Variants in PRKG1 observed in about 807,000 individuals in gnomAD.
The protein encoded by PRKG1 is protein kinase cGMP-dependent 1, also known as cGMP-dependent protein kinase 1.
PRKG1 carries 35 observed loss-of-function variants against 88.1 expected under a neutral mutation model. That is an observed-to-expected ratio of 0.40 (90% CI 0.30 to 0.53). PRKG1 has a LOEUF of 0.53. Ranked by LOEUF, PRKG1 falls within the 20% of genes least tolerant of loss-of-function variation. The pLI, the probability that PRKG1 is intolerant of heterozygous loss-of-function variation, is 0.59. For synonymous variants in PRKG1, 303 were observed against 292.5 expected (o/e 1.04, Z -0.37); for missense variants, 540 against 839.8 (o/e 0.64, Z 4.41).
chr10:51,419,121 T>G (rs968802218), intron 2 of PRKG1, among the ~76,000 whole-genome samples: 4 of 152,206 alleles, frequency 2.6e-5, no homozygotes, highest in African/African-American at 9.6e-5. Flanking sequence ...GAAAAAGTCA[T>G]GTATTGTGAT....
chr10:51,672,966 A>G (rs1468415387), intron 3 of PRKG1, among the ~76,000 whole-genome samples: 1 of 152,196 alleles, frequency 6.6e-6, no homozygotes, highest in South Asian at 2.1e-4. Flanking sequence ...TCTCAGTTGT[A>G]TCTTCTAGCT....
intron 3 of PRKG1, among the ~76,000 whole-genome samples, chr10:51,505,961 CT>C (rs1330213972): frequency 6.6e-6 from 1 of 151,672 alleles, no homozygotes; most frequent in African/African-American, 2.4e-5. Flanking sequence ...TTTTTTGTGT[CT>C]CTATTTCCTT....
intron 2 of PRKG1, among the ~76,000 whole-genome samples, chr10:51,296,520 G>A (rs1010552861): frequency 6.6e-6 from 1 of 151,992 alleles, no homozygotes; most frequent in South Asian, 2.1e-4. Context: ...GGCATCCATT[G>A]TAATATCTTC....
chr10:51,024,782 C>A (rs1457991378), intron 1 of PRKG1, among the ~76,000 whole-genome samples: 1 of 152,072 alleles, frequency 6.6e-6, no homozygotes, highest in Non-Finnish European at 1.5e-5. Context: ...GTAGGTACGA[C>A]ACACTTTTAA....
intron 2 of PRKG1, among the ~76,000 whole-genome samples, chr10:51,175,909 A>T (rs576590272): frequency 6.6e-6 from 1 of 152,252 alleles, no homozygotes; most frequent in East Asian, 1.9e-4. Context: ...CTCTATGAGG[A>T]CAGGATTTAT....
chr10:52,105,475 G>C (rs1311424210), intron 7 of PRKG1, among the ~76,000 whole-genome samples: 1 of 152,150 alleles, frequency 6.6e-6, no homozygotes, highest in African/African-American at 2.4e-5. Flanking sequence ...AATTATCCTT[G>C]GCTTTGCAGA....
At chr10:51,995,051 A>G (rs955524810) in intron 5 of PRKG1, among the ~76,000 whole-genome samples, 23 of 150,556 alleles carry the variant, frequency 1.5e-4, no homozygotes, top group African/African-American at 4.8e-4. Context: ...TAATATTCAT[A>G]CAAACTAGAT....
intron 4 of PRKG1, among the ~76,000 whole-genome samples, chr10:51,824,895 AG>A (rs1281065643): frequency 6.6e-6 from 1 of 152,172 alleles, no homozygotes; most frequent in Non-Finnish European, 1.5e-5. Flanking sequence ...TCCACTAATG[AG>A]GATCACATTT....
At chr10:51,666,706 A>G (rs1045183006) in intron 3 of PRKG1, among the ~76,000 whole-genome samples, 1 of 152,228 alleles carries the variant, frequency 6.6e-6, no homozygotes, top group African/African-American at 2.4e-5. Flanking sequence ...ATCAGGCACA[A>G]GGTTCATGGT....
intron 3 of PRKG1, among the ~76,000 whole-genome samples, chr10:51,592,601 A>T (rs1838339807): frequency 6.6e-6 from 1 of 152,172 alleles, no homozygotes; most frequent in Admixed American, 6.5e-5. Context: ...AGGACTAGCC[A>T]AGAACAGCAG....
chr10:51,415,947 ATGTG>A (rs1388923396), intron 2 of PRKG1, among the ~76,000 whole-genome samples: 1 of 141,586 alleles, frequency 7.1e-6, no homozygotes, highest in African/African-American at 2.6e-5. Context: ...GTGTGTGTCT[ATGTG>A]TGTGTATGTG....
At chr10:51,131,602 GCATACATA>G (rs904796664) in intron 1 of PRKG1, among the ~76,000 whole-genome samples, 6 of 151,972 alleles carry the variant, frequency 3.9e-5, no homozygotes, top group Non-Finnish European at 2.9e-5. Context: ...ATACATACGT[GCATACATA>G]CATACATACA....
chr10:51,348,874 T>C (rs996776979), intron 2 of PRKG1, among the ~76,000 whole-genome samples: 1 of 152,208 alleles, frequency 6.6e-6, no homozygotes, highest in Non-Finnish European at 1.5e-5. Flanking sequence ...TTCTGAGTTC[T>C]TTTTCATTTT....
rs189029611 is a variant in PRKG1, at chr10:51,654,182, C to G, written c.593-150403C>G. 6.4e-4 allele frequency among the ~76,000 whole-genome samples: 97 copies of G among 152,148 alleles called. 1 individual carries two copies. Among genetic ancestry groups the G allele is most frequent in the Non-Finnish European group, 9.9e-4 (67 of 68,010 alleles). On this transcript the variant is annotated intron_variant, in intron 3 of 17. Coordinates refer to ENST00000373980, the MANE Select transcript of PRKG1 (RefSeq NM_006258.4). Reference sequence around the variant, plus strand: ...TAGGTTTTATATCTAAGTCTTTAATCCATTTTGAATTAATATTTGTATATG... The same window carrying G: ...TAGGTTTTATATCTAAGTCTTTAATGCATTTTGAATTAATATTTGTATATG...
intron 2 of PRKG1, among the ~76,000 whole-genome samples, chr10:51,386,349 T>C (rs1837248516): frequency 6.6e-6 from 1 of 152,098 alleles, no homozygotes; most frequent in South Asian, 2.1e-4. Flanking sequence ...AAGCTGAAAA[T>C]TCCTAAGATC....
intron 1 of PRKG1, among the ~76,000 whole-genome samples, chr10:51,029,231 C>T (rs1203587295): frequency 2.0e-5 from 3 of 152,172 alleles, no homozygotes; most frequent in Non-Finnish European, 4.4e-5. Flanking sequence ...GATCAGGTCA[C>T]ACGACTGCAC....
intron 2 of PRKG1, among the ~76,000 whole-genome samples, chr10:51,419,645 T>C (rs1354141959): frequency 6.6e-6 from 1 of 152,008 alleles, no homozygotes; most frequent in African/African-American, 2.4e-5. Context: ...TTTTTAAACT[T>C]AGAGATTATG....
intron 2 of PRKG1, among the ~76,000 whole-genome samples, chr10:51,392,485 A>C (rs944056128): frequency 2.6e-5 from 4 of 152,060 alleles, no homozygotes; most frequent in African/African-American, 9.7e-5. Context: ...TGGCAGAAGA[A>C]TTTTTCTTAG....
intron 3 of PRKG1, among the ~76,000 whole-genome samples, chr10:51,516,987 C>A (rs10128493): frequency 0.23 from 35,572 of 152,030 alleles, 4,756 homozygotes; most frequent in Non-Finnish European, 0.31. Flanking sequence ...CACAAAAATT[C>A]TCTCTGAGGA....
Sources: gnomAD v4.1 joint callset for allele counts (sites outside exome capture counted in the v4.1 genomes callset) on GRCh38, gnomAD v4.1.1 for gene constraint, MANE v1.5 for transcripts, NCBI Gene and HGNC (gene_info 2026-07-23, HGNC 2026-07-21) for gene names.